The following AUTS2 variants were observed in gnomAD, a reference collection of about 807,000 sequenced individuals.
AUTS2 encodes autism susceptibility gene 2 protein.
In AUTS2, 17 loss-of-function variants were observed where a neutral mutation model predicts 112.4. That is an observed-to-expected ratio of 0.15 (90% CI 0.10 to 0.23). AUTS2 has a LOEUF of 0.23. AUTS2 is among the 10% of genes least tolerant of loss of function. AUTS2 has a pLI of 1.00. For synonymous variants in AUTS2, 751 were observed against 702.7 expected (o/e 1.07, Z -1.09); for missense variants, 1,510 against 1,701.6 (o/e 0.89, Z 1.98).
chr7:69,978,011 T>C (rs1428700122), intron 2 of AUTS2, among the ~76,000 whole-genome samples: 1 of 152,172 alleles, frequency 6.6e-6, no homozygotes, highest in Non-Finnish European at 1.5e-5. Context: ...TACTCCATTT[T>C]CTTGGAAGCA....
chr7:70,733,807 A>T (rs1787607175), intron 6 of AUTS2, among the ~76,000 whole-genome samples: 3 of 151,912 alleles, frequency 2.0e-5, no homozygotes. Flanking sequence ...GGCTGGTCTC[A>T]AACTCCTGAC....
At chr7:70,656,814 C>T (rs953012805) in intron 5 of AUTS2, among the ~76,000 whole-genome samples, 1 of 152,196 alleles carries the variant, frequency 6.6e-6, no homozygotes, top group African/African-American at 2.4e-5. Flanking sequence ...ATTTCAACCT[C>T]TGCGACTAGG....
chr7:70,300,396 A>G (rs1227409504), intron 4 of AUTS2, among the ~76,000 whole-genome samples: 2 of 152,188 alleles, frequency 1.3e-5, no homozygotes, highest in Non-Finnish European at 2.9e-5. Flanking sequence ...TCTCCTTTTC[A>G]GTCTTAATAA....
Position 70,622,136 on chromosome 7 carries a change from C to CT in AUTS2, c.691-76432dup, listed in dbSNP as rs1349490338. Reference sequence around the variant, plus strand: ...TACAGGTGTGAGCCATTGCGCCTGGCTAGCATAGTCATTCTTAAGGGCATG... The same window carrying CT: ...TACAGGTGTGAGCCATTGCGCCTGGCTTAGCATAGTCATTCTTAAGGGCATG... On this transcript the variant is annotated intron_variant, in intron 5 of 18. Transcript: ENST00000342771. Among the ~76,000 whole-genome samples, 3 of 152,000 alleles carry CT rather than the reference C, an allele frequency of 2.0e-5. No homozygotes were observed. The East Asian group carries it at 5.8e-4, about 29-fold the overall frequency.
At chr7:69,992,874 G>A (rs1021722417) in intron 2 of AUTS2, among the ~76,000 whole-genome samples, 5 of 152,176 alleles carry the variant, frequency 3.3e-5, no homozygotes, top group African/African-American at 4.8e-5. Context: ...TACAAAGTGA[G>A]ACCCATCTCA....
At chr7:70,705,266 C>T (rs1302069377) in intron 6 of AUTS2, among the ~76,000 whole-genome samples, 1 of 152,186 alleles carries the variant, frequency 6.6e-6, no homozygotes, top group Non-Finnish European at 1.5e-5. Context: ...CAGGAAGCAC[C>T]TTTGGTGAAT....
chr7:70,779,229 G>T (rs1473971231), intron 14 of AUTS2, among the ~76,000 whole-genome samples: 1 of 152,152 alleles, frequency 6.6e-6, no homozygotes, highest in Non-Finnish European at 1.5e-5. Context: ...ACTCGATACT[G>T]GGACTTTCAT....
intron 1 of AUTS2, among the ~76,000 whole-genome samples, chr7:69,792,249 T>G (rs1256260033): frequency 1.3e-5 from 2 of 149,102 alleles, no homozygotes; most frequent in African/African-American, 5.0e-5. Flanking sequence ...TTTTGTTTTG[T>G]TTTTTTTTAA....
intron 1 of AUTS2, among the ~76,000 whole-genome samples, chr7:69,617,889 G>A (rs1381784581): frequency 3.3e-5 from 5 of 152,076 alleles, no homozygotes; most frequent in African/African-American, 1.2e-4. Context: ...AGTGGGAAAC[G>A]GCTTTGCCAG....
intron 5 of AUTS2, among the ~76,000 whole-genome samples, chr7:70,503,842 GAA>G (rs35663680): frequency 7.4e-6 from 1 of 135,876 alleles, no homozygotes; most frequent in Non-Finnish European, 1.6e-5. Flanking sequence ...TAAAAATAAG[GAA>G]AAAAAAAAAA....
intron 5 of AUTS2, among the ~76,000 whole-genome samples, chr7:70,540,210 T>C (rs1800494565): frequency 6.6e-6 from 1 of 152,122 alleles, no homozygotes; most frequent in African/African-American, 2.4e-5. Context: ...GTGATATTGT[T>C]GGTGGAGGTG....
chr7:70,696,583 G>C (rs184419924), intron 5 of AUTS2, among the ~76,000 whole-genome samples: 63 of 152,242 alleles, frequency 4.1e-4, no homozygotes, highest in African/African-American at 1.5e-3. Context: ...TGAGGATCAC[G>C]TAAGTGTCTG....
intron 4 of AUTS2, among the ~76,000 whole-genome samples, chr7:70,383,407 A>C (rs1001062369): frequency 6.6e-6 from 1 of 152,200 alleles, no homozygotes; most frequent in African/African-American, 2.4e-5. Flanking sequence ...TTTAAAAAAA[A>C]CAATTATTAC....
At chr7:70,324,867 A>G (rs556526774) in intron 4 of AUTS2, among the ~76,000 whole-genome samples, 1 of 152,172 alleles carries the variant, frequency 6.6e-6, no homozygotes, top group Non-Finnish European at 1.5e-5. Flanking sequence ...TTCATGTTTT[A>G]TGAGTAAAGA....
intron 1 of AUTS2, among the ~76,000 whole-genome samples, chr7:69,779,231 TTTTA>T: frequency 6.6e-6 from 1 of 152,122 alleles, no homozygotes; most frequent in Non-Finnish European, 1.5e-5. Flanking sequence ...AGGAACACTG[TTTTA>T]TTTATTTAGG....
At chr7:70,277,794 A>T (rs1182995014) in intron 4 of AUTS2, among the ~76,000 whole-genome samples, 1 of 152,196 alleles carries the variant, frequency 6.6e-6, no homozygotes, top group Non-Finnish European at 1.5e-5. Flanking sequence ...TATGTAAATG[A>T]TAGGGCAAAA....
intron 1 of AUTS2, among the ~76,000 whole-genome samples, chr7:69,888,540 G>GATAGATATATATATATATATAT (rs1468555842): frequency 1.0e-5 from 1 of 99,254 alleles, no homozygotes; most frequent in African/African-American, 4.3e-5. Context: ...CAACATTGGG[G>GATAGATATATATATATATATAT]ATATATATAT....
intron 5 of AUTS2, among the ~76,000 whole-genome samples, chr7:70,641,243 A>G (rs530848112): frequency 3.3e-5 from 5 of 152,190 alleles, no homozygotes; most frequent in Non-Finnish European, 5.9e-5. Context: ...AAGACTCACT[A>G]GACCCCTACT....
intron 4 of AUTS2, among the ~76,000 whole-genome samples, chr7:70,288,806 G>A (rs1351834036): frequency 2.6e-5 from 4 of 152,046 alleles, no homozygotes; most frequent in African/African-American, 7.2e-5. Context: ...ATAAAATAGG[G>A]GTCTGGTAGA....
Sources: gnomAD v4.1 joint callset for allele counts (sites outside exome capture counted in the v4.1 genomes callset) on GRCh38, gnomAD v4.1.1 for gene constraint, MANE v1.5 for transcripts, NCBI Gene and HGNC (gene_info 2026-07-23, HGNC 2026-07-21) for gene names.